The following KLHL32 variants were observed in gnomAD, a reference collection of about 807,000 sequenced individuals.
KLHL32 encodes kelch like family member 32.
KLHL32 carries 35 observed loss-of-function variants against 64.8 expected under a neutral mutation model. The ratio of observed to expected loss-of-function variants is 0.54; its 90% CI spans 0.41 to 0.72. The LOEUF is 0.72. Ranked by LOEUF, KLHL32 falls within the 30% of genes least tolerant of loss-of-function variation. The probability of loss-of-function intolerance (pLI) is 0.00; values close to 1 mark genes in which losing one functional copy is unlikely to be tolerated. For synonymous variants in KLHL32, 259 were observed against 281.0 expected, an observed-to-expected ratio of 0.92 and a Z score of 0.78; for missense variants, 589 against 768.5, an observed-to-expected ratio of 0.77 and a Z score of 2.76.
At chr6:97,100,846 C>T (rs1043863528) in intron 6 of KLHL32, among the ~76,000 whole-genome samples, 1 of 147,528 alleles carries the variant, frequency 6.8e-6, no homozygotes, top group Non-Finnish European at 1.5e-5. Flanking sequence ...CTCTGTTGCC[C>T]AGGCTGGATG....
At chr6:97,021,394 G>T (rs191854623) in intron 3 of KLHL32, among the ~76,000 whole-genome samples, 31 of 150,866 alleles carry the variant, frequency 2.1e-4, no homozygotes, top group Admixed American at 1.8e-3. Flanking sequence ...GCTGGCAGGC[G>T]TGAGACCCAG....
At chr6:96,943,870 G>A (rs1453971458) in intron 1 of KLHL32, among the ~76,000 whole-genome samples, 1 of 152,206 alleles carries the variant, frequency 6.6e-6, no homozygotes, top group Non-Finnish European at 1.5e-5. Flanking sequence ...TGAAAAGAAG[G>A]TTGTTGGAGG....
intron 3 of KLHL32, among the ~76,000 whole-genome samples, chr6:97,000,109 T>C (rs1224081833): frequency 6.6e-6 from 1 of 152,166 alleles, no homozygotes; most frequent in Non-Finnish European, 1.5e-5. Flanking sequence ...AAGCAAAGTG[T>C]ACATTTTAAT....
At chr6:96,961,914 C>G (rs1297536682) in intron 1 of KLHL32, among the ~76,000 whole-genome samples, 1 of 152,186 alleles carries the variant, frequency 6.6e-6, no homozygotes, top group African/African-American at 2.4e-5. Flanking sequence ...CTGGCTTGAA[C>G]TAGACAAAAG....
chr6:97,049,530 C>T lies in KLHL32; in HGVS notation c.312+7931C>T, dbSNP rs113025386. On this transcript the variant is annotated intron_variant, in intron 4 of 10. Transcript: ENST00000369261. ...GAATTTTCTATTTAATGTTTTTGGA[C>T]TGCAGTTTACCATGGGTAACTGAAA... Among the ~76,000 whole-genome samples the T allele has an allele frequency of 7.5e-3, 1,105 of 146,678 alleles. 13 individuals carry two copies. The highest frequency in any genetic ancestry group is 0.025 in the African/African-American group (991 of 39,390).
intron 3 of KLHL32, among the ~76,000 whole-genome samples, chr6:97,035,795 T>C (rs1415214696): frequency 1.3e-5 from 2 of 152,162 alleles, no homozygotes; most frequent in African/African-American, 2.4e-5. Context: ...TTAATTATAA[T>C]GTATCCTGGT....
At chr6:96,993,174 T>G (rs1778078256) in intron 3 of KLHL32, among the ~76,000 whole-genome samples, 1 of 152,274 alleles carries the variant, frequency 6.6e-6, no homozygotes, top group African/African-American at 2.4e-5. Context: ...CAGTATTTTC[T>G]GTTAGCTTTT....
intron 3 of KLHL32, among the ~76,000 whole-genome samples, chr6:97,015,331 G>T (rs1781006991): frequency 6.6e-6 from 1 of 152,150 alleles, no homozygotes; most frequent in Non-Finnish European, 1.5e-5. Context: ...AGTTTGGAGG[G>T]CTCAGAAGAA....
intron 1 of KLHL32, among the ~76,000 whole-genome samples, chr6:96,935,843 A>G (rs745768993): frequency 6.6e-6 from 1 of 152,242 alleles, no homozygotes; most frequent in Non-Finnish European, 1.5e-5. Context: ...TTAAATCTCT[A>G]TGCAATAATA....
chr6:97,072,135 A>C (rs182974846), intron 5 of KLHL32, among the ~76,000 whole-genome samples: 1 of 152,252 alleles, frequency 6.6e-6, no homozygotes, highest in Admixed American at 6.5e-5. Flanking sequence ...ACCAGGAGTC[A>C]TCCTAGAATC....
intron 3 of KLHL32, among the ~76,000 whole-genome samples, chr6:96,992,945 A>G (rs757312515): frequency 1.3e-5 from 2 of 152,212 alleles, no homozygotes; most frequent in Admixed American, 6.5e-5. Flanking sequence ...ATTCATGTGC[A>G]TTTCCTTCAG....
chr6:97,043,439 A>G (rs994658127), intron 4 of KLHL32, among the ~76,000 whole-genome samples: 3 of 141,998 alleles, frequency 2.1e-5, no homozygotes, highest in African/African-American at 5.8e-5. Context: ...TTGTGTATAC[A>G]TACCATCTTT....
rs1205876994 is a variant in KLHL32 at position 97,140,045 on chromosome 6, T to G, written c.*763T>G. ...TTGTTACTGAAATTATAAGGTATTT[T>G]ATTGTCTTTAGAACCTTGTAATTGA... On this transcript the variant is annotated 3_prime_UTR_variant, in exon 11 of 11. Transcript: ENST00000369261. 1 of 152,180 alleles carries G rather than the reference T, an allele frequency of 6.6e-6. No individual in the cohort carries two copies. The highest frequency in any genetic ancestry group is 1.9e-4 in the East Asian group (1 of 5,196). 9.4% of individuals were successfully genotyped at this position (152,180 alleles called of 1,614,324 possible).
chr6:96,982,088 C>G (rs1161433290), intron 3 of KLHL32, among the ~76,000 whole-genome samples: 1 of 152,018 alleles, frequency 6.6e-6, no homozygotes, highest in Non-Finnish European at 1.5e-5. Context: ...GTGTTGAGTT[C>G]AGGTCCTGAA....
intron 7 of KLHL32, among the ~76,000 whole-genome samples, chr6:97,118,734 G>C (rs1310514269): frequency 6.6e-6 from 1 of 151,758 alleles, no homozygotes; most frequent in Non-Finnish European, 1.5e-5. Context: ...CACAAAACTT[G>C]TGCTGCATTT....
At chr6:97,102,790 A>G (rs765195698) in intron 6 of KLHL32, among the ~76,000 whole-genome samples, 1 of 152,090 alleles carries the variant, frequency 6.6e-6, no homozygotes, top group Non-Finnish European at 1.5e-5. Context: ...CATTTTCGCC[A>G]TTTAAAAGTT....
chr6:96,977,169 A>G (rs554984445), intron 3 of KLHL32, among the ~76,000 whole-genome samples: 1 of 152,230 alleles, frequency 6.6e-6, no homozygotes, highest in Non-Finnish European at 1.5e-5. Flanking sequence ...TTTTATATGC[A>G]TATCTCATTT....
chr6:97,091,316 C>T (rs923948393), intron 6 of KLHL32, among the ~76,000 whole-genome samples: 2 of 152,210 alleles, frequency 1.3e-5, no homozygotes, highest in Non-Finnish European at 2.9e-5. Context: ...TGCCTGCCTC[C>T]GTGTCTGTGT....
chr6:97,133,792 G>T (rs1206936562), intron 10 of KLHL32, among the ~76,000 whole-genome samples: 1 of 152,162 alleles, frequency 6.6e-6, no homozygotes. Context: ...CAAGGGTAAG[G>T]TAGATATGGA....
Sources: allele counts gnomAD v4.1 joint callset (sites outside exome capture counted in the v4.1 genomes callset), GRCh38; gene constraint gnomAD v4.1.1; transcripts MANE v1.5; gene names NCBI Gene and HGNC (gene_info 2026-07-23, HGNC 2026-07-21).